Variants in OPCML observed in about 807,000 individuals in gnomAD.
The protein encoded by OPCML is opioid binding protein/cell adhesion molecule like.
A neutral mutation model predicts 37.8 loss-of-function variants in OPCML; 13 were observed. That is an observed-to-expected ratio of 0.34 (90% CI 0.22 to 0.55). OPCML has a LOEUF of 0.55. Among genes scored for constraint, OPCML ranks in the 20% least tolerant of loss-of-function variants. The probability of loss-of-function intolerance (pLI) is 0.91; values close to 1 mark genes in which losing one functional copy is unlikely to be tolerated. For missense variants in OPCML, 341 were observed against 435.6 expected, an observed-to-expected ratio of 0.78 and a Z score of 1.93; for synonymous variants, 176 against 168.8, an observed-to-expected ratio of 1.04 and a Z score of -0.33.
Position 133,149,362 on chromosome 11 carries a change from T to TC in OPCML, c.62-206353dup, listed in dbSNP as rs1161559979. 9.8e-5 allele frequency among the ~76,000 whole-genome samples: 15 copies of TC among 152,320 alleles called. No homozygotes were observed. The East Asian group carries it at 2.7e-3, about 27-fold the overall frequency. On this transcript the variant is annotated intron_variant, in intron 1 of 7. Transcript: ENST00000524381. ...CATTGTAGTATATCACCCATATATT[T>TC]CCCCCTGCAAATGTTCTTTCCTACT...
intron 3 of OPCML, among the ~76,000 whole-genome samples, chr11:132,571,402 A>G (rs1757270209): frequency 6.6e-6 from 1 of 152,068 alleles, no homozygotes; most frequent in African/African-American, 2.4e-5. Context: ...CATATATCCT[A>G]TTACTTTTGT....
intron 4 of OPCML, among the ~76,000 whole-genome samples, chr11:132,486,833 G>A (rs1044694077): frequency 3.9e-5 from 6 of 152,144 alleles, no homozygotes; most frequent in Admixed American, 6.5e-5. Context: ...TAACCAAGGA[G>A]AGCCTGTGAA....
intron 3 of OPCML, among the ~76,000 whole-genome samples, chr11:132,556,990 C>T (rs1252453900): frequency 6.6e-6 from 1 of 152,100 alleles, no homozygotes; most frequent in East Asian, 1.9e-4. Context: ...TACTTAGGCC[C>T]GTGTTCCTGG....
At chr11:133,403,890 A>T (rs1945464231) in intron 1 of OPCML, among the ~76,000 whole-genome samples, 1 of 152,224 alleles carries the variant, frequency 6.6e-6, no homozygotes, top group Admixed American at 6.5e-5. Context: ...CTACCTTCCA[A>T]GCACTCTCCT....
intron 4 of OPCML, among the ~76,000 whole-genome samples, chr11:132,524,744 C>T (rs1445630897): frequency 1.3e-5 from 2 of 152,096 alleles, no homozygotes; most frequent in Non-Finnish European, 2.9e-5. Flanking sequence ...GATGAGAGGT[C>T]GACAGGGCTC....
intron 1 of OPCML, among the ~76,000 whole-genome samples, chr11:133,425,658 C>T (rs1945986673): frequency 6.6e-6 from 1 of 152,158 alleles, no homozygotes; most frequent in South Asian, 2.1e-4. Context: ...TTCAGTGCCA[C>T]CCCTATATTA....
chr11:133,100,883 C>A (rs1949075387), intron 1 of OPCML, among the ~76,000 whole-genome samples: 1 of 152,100 alleles, frequency 6.6e-6, no homozygotes, highest in Non-Finnish European at 1.5e-5. Context: ...AAAGGAGAAG[C>A]CTAGATGACC....
At chr11:133,252,324 T>A (rs1941160658) in intron 1 of OPCML, among the ~76,000 whole-genome samples, 1 of 152,224 alleles carries the variant, frequency 6.6e-6, no homozygotes, top group Non-Finnish European at 1.5e-5. Context: ...AGGTAAGGTA[T>A]CATCTTATTA....
intron 1 of OPCML, among the ~76,000 whole-genome samples, chr11:133,190,738 TG>T (rs1398725055): frequency 6.6e-6 from 1 of 152,190 alleles, no homozygotes; most frequent in Non-Finnish European, 1.5e-5. Flanking sequence ...ATGCAAGAAA[TG>T]GTCTTTTGCG....
intron 1 of OPCML, among the ~76,000 whole-genome samples, chr11:133,503,423 A>G (rs1947959674): frequency 6.6e-6 from 1 of 152,158 alleles, no homozygotes; most frequent in Non-Finnish European, 1.5e-5. Flanking sequence ...CAGCTCCTCC[A>G]AGCCCAGCTG....
At chr11:133,192,643 G>A (rs896834339) in intron 1 of OPCML, among the ~76,000 whole-genome samples, 9 of 152,224 alleles carry the variant, frequency 5.9e-5, no homozygotes, top group Non-Finnish European at 4.4e-5. Context: ...GTTTAATTGC[G>A]GGCAAGTCAC....
intron 1 of OPCML, among the ~76,000 whole-genome samples, chr11:133,525,869 G>A (rs1948480181): frequency 6.6e-6 from 1 of 152,166 alleles, no homozygotes; most frequent in Admixed American, 6.5e-5. Context: ...AACGGCCTGT[G>A]TCCCACTGCA....
At chr11:132,490,598 C>T (rs957636348) in intron 4 of OPCML, among the ~76,000 whole-genome samples, 2 of 151,878 alleles carry the variant, frequency 1.3e-5, no homozygotes, top group East Asian at 2.0e-4. Flanking sequence ...GCGGGCGGAT[C>T]GTGAGGTCAG....
intron 2 of OPCML, among the ~76,000 whole-genome samples, chr11:132,887,629 A>G (rs768703789): frequency 6.6e-6 from 1 of 152,194 alleles, no homozygotes; most frequent in African/African-American, 2.4e-5. Flanking sequence ...CTAAACAAGA[A>G]AATAGGGGTA....
intron 2 of OPCML, among the ~76,000 whole-genome samples, chr11:132,777,778 C>G (rs142591464): frequency 6.6e-6 from 1 of 152,084 alleles, no homozygotes; most frequent in African/African-American, 2.4e-5. Context: ...TTGGGAACGA[C>G]GGAATCCTTG....
At chr11:132,827,087 C>T (rs935014143) in intron 2 of OPCML, among the ~76,000 whole-genome samples, 1 of 152,050 alleles carries the variant, frequency 6.6e-6, no homozygotes, top group African/African-American at 2.4e-5. Context: ...CAGAAAGTTG[C>T]CTTTTTAAAG....
chr11:133,000,257 C>T (rs1452925043), intron 1 of OPCML, among the ~76,000 whole-genome samples: 1 of 152,062 alleles, frequency 6.6e-6, no homozygotes, highest in Non-Finnish European at 1.5e-5. Flanking sequence ...GGATTACAGG[C>T]ACGCACCACC....
intron 1 of OPCML, among the ~76,000 whole-genome samples, chr11:133,380,723 C>G (rs1190690640): frequency 2.0e-5 from 3 of 152,130 alleles, no homozygotes. Flanking sequence ...CAGTTCCCAG[C>G]CTGCCAGTTT....
chr11:132,561,173 T>A (rs2096409887), intron 3 of OPCML, among the ~76,000 whole-genome samples: 1 of 152,200 alleles, frequency 6.6e-6, no homozygotes, highest in African/African-American at 2.4e-5. Flanking sequence ...ATGTCCCCAT[T>A]CCACTTCATC....
Sources: gnomAD v4.1 joint callset for allele counts (sites outside exome capture counted in the v4.1 genomes callset) on GRCh38, gnomAD v4.1.1 for gene constraint, MANE v1.5 for transcripts, NCBI Gene and HGNC (gene_info 2026-07-23, HGNC 2026-07-21) for gene names.